Variants in NEDD4 observed in about 807,000 individuals in gnomAD.
NEDD4 encodes E3 ubiquitin-protein ligase NEDD4.
Under a neutral mutation model 144.9 loss-of-function variants are expected in NEDD4, and 99 were observed. The observed-to-expected ratio is 0.68, with a 90% CI of 0.58 to 0.81. NEDD4 has a LOEUF of 0.81. Ranked by LOEUF, NEDD4 falls within the 30% of genes least tolerant of loss-of-function variation. The pLI, the probability that NEDD4 is intolerant of heterozygous loss-of-function variation, is 0.00. For synonymous variants in NEDD4, 318 were observed against 350.6 expected (o/e 0.91, Z 1.04); for missense variants, 985 against 1,065.9 (o/e 0.92, Z 1.06).
intron 5 of NEDD4, among the ~76,000 whole-genome samples, chr15:55,888,039 G>C (rs1429386861): frequency 6.6e-6 from 1 of 152,018 alleles, no homozygotes; most frequent in African/African-American, 2.4e-5. Flanking sequence ...ATACTGAATA[G>C]GGAAAAACTA....
At chr15:55,926,170 GT>G (rs1370768930) in intron 4 of NEDD4, among the ~76,000 whole-genome samples, 1 of 151,948 alleles carries the variant, frequency 6.6e-6, no homozygotes, top group Non-Finnish European at 1.5e-5. Context: ...TCTATATATT[GT>G]TTTTTTGTGA....
intron 2 of NEDD4, among the ~76,000 whole-genome samples, chr15:55,963,012 T>C (rs1439126901): frequency 6.6e-6 from 1 of 152,142 alleles, no homozygotes; most frequent in African/African-American, 2.4e-5. Context: ...CTCAAACTCC[T>C]GTCCTCAGGT....
intron 2 of NEDD4, among the ~76,000 whole-genome samples, chr15:55,960,793 C>G (rs1727226911): frequency 6.6e-6 from 1 of 152,146 alleles, no homozygotes; most frequent in Non-Finnish European, 1.5e-5. Flanking sequence ...TGAGGGAAAC[C>G]TGCTTGGAAA....
chr15:55,972,914 T>C (rs533434645), intron 1 of NEDD4, among the ~76,000 whole-genome samples: 1 of 152,274 alleles, frequency 6.6e-6, no homozygotes, highest in African/African-American at 2.4e-5. Context: ...GATAAAGGCA[T>C]CATTTCAACA....
chr15:55,924,780 C>T (rs953642477), intron 4 of NEDD4, 81 bp from the exon 5 acceptor site: 2 of 1,429,902 alleles, frequency 1.4e-6, no homozygotes, highest in Non-Finnish European at 1.9e-6. Context: ...AAAGATGCTG[C>T]CATTTGGTCG....
chr15:55,985,076 T>C lies in NEDD4; in HGVS notation c.45+8435A>G, dbSNP rs114086893. On this transcript the variant is annotated intron_variant, in intron 1 of 28. Transcript: ENST00000435532. ...GTTTAATTATGCAAGATTCACCAAG[T>C]AAGTGACAGGGCCAGAATTCCAACA... 2.5e-3 allele frequency among the ~76,000 whole-genome samples: 376 copies of C among 152,346 alleles called. 3 individuals carry two copies. The highest frequency in any genetic ancestry group is 8.7e-3 in the African/African-American group (361 of 41,586).
intron 4 of NEDD4, among the ~76,000 whole-genome samples, chr15:55,950,261 T>C (rs1169894492): frequency 6.6e-6 from 1 of 152,186 alleles, no homozygotes. Flanking sequence ...TCATACTACA[T>C]AGAGTGGGGA....
rs1270920710 is a variant in NEDD4, at chr15:55,840,020, AT to A, written c.2031+426del. On this transcript the variant is annotated intron_variant, in intron 21 of 28. Transcript: ENST00000435532. ...AAAAAATATATATATATATATATAT[AT>A]ATATATATATATATATATATAACAT... is the stretch of plus-strand genomic sequence containing the variant. Among the ~76,000 whole-genome samples, 226 of 58,786 alleles carry A rather than the reference AT, an allele frequency of 3.8e-3. 6 individuals are homozygous for A. The highest frequency in any genetic ancestry group is 8.9e-3 in the Middle Eastern group (1 of 112). 38.6% of individuals were successfully genotyped at this position (58,786 alleles called of 152,430 possible).
intron 5 of NEDD4, among the ~76,000 whole-genome samples, chr15:55,882,628 T>A (rs1055193091): frequency 5.9e-5 from 9 of 152,126 alleles, no homozygotes; most frequent in African/African-American, 2.2e-4. Context: ...TAAGTCCTAG[T>A]TCGTACTGGG....
At position 55,975,430 on chromosome 15, in the gene NEDD4, T is replaced by C. The variant is rs562182972; in HGVS notation, c.46-8884A>G. Among the ~76,000 whole-genome samples the C allele has an allele frequency of 4.6e-4, 70 of 152,324 alleles. 1 individual carries two copies. Among genetic ancestry groups the C allele is most frequent in the African/African-American group, 1.6e-3 (68 of 41,580 alleles). ...CAATACACAAAAAATCAGTAGCATT[T>C]ATTTTAATTTAAGAAACAAGGTATT... On this transcript the variant is annotated intron_variant, in intron 1 of 28. Transcript: ENST00000435532.
intron 1 of NEDD4, among the ~76,000 whole-genome samples, chr15:55,972,769 C>T (rs2037632788): frequency 6.6e-6 from 1 of 152,078 alleles, no homozygotes; most frequent in Admixed American, 6.5e-5. Context: ...TAAAGACACA[C>T]ATAGACTGAA....
At chr15:55,893,513 G>C (rs1024339523) in intron 5 of NEDD4, among the ~76,000 whole-genome samples, 1 of 151,548 alleles carries the variant, frequency 6.6e-6, no homozygotes, top group African/African-American at 2.4e-5. Flanking sequence ...TTAAAAACTT[G>C]AATTGAAATT....
chr15:55,950,386 T>G (rs2037216404), intron 4 of NEDD4, among the ~76,000 whole-genome samples: 2 of 152,176 alleles, frequency 1.3e-5, no homozygotes, highest in South Asian at 4.1e-4. Context: ...CAAATTCACT[T>G]TATTAAAATT....
At chr15:55,903,891 G>A (rs1486701942) in intron 5 of NEDD4, among the ~76,000 whole-genome samples, 1 of 149,232 alleles carries the variant, frequency 6.7e-6, no homozygotes, top group African/African-American at 2.5e-5. Context: ...GGGCACGGTG[G>A]CTCATGCCTG....
At chr15:55,978,885 A>G (rs1211853834) in intron 1 of NEDD4, among the ~76,000 whole-genome samples, 1 of 150,980 alleles carries the variant, frequency 6.6e-6, no homozygotes, top group East Asian at 1.9e-4. Flanking sequence ...CAATTCATGA[A>G]GACATCTACT....
intron 5 of NEDD4, among the ~76,000 whole-genome samples, chr15:55,907,520 G>A (rs1483525441): frequency 6.6e-6 from 1 of 152,090 alleles, no homozygotes; most frequent in African/African-American, 2.4e-5. Context: ...TTCACATCCA[G>A]GAAGAATATT....
chr15:55,911,615 T>C (rs59733635), intron 5 of NEDD4, among the ~76,000 whole-genome samples: 21,558 of 151,674 alleles, frequency 0.14, 1,662 homozygotes, highest in East Asian at 0.35. Context: ...CTGCAAGCTC[T>C]GCCTCCCGGG....
rs775238194 is a variant in NEDD4, at chr15:55,862,929, T to C, written c.658A>G (p.Lys220Glu). Reference sequence around the variant, plus strand: ...AGCACATACTGAGGGGTTGGTCTTTTCCACTGTGTTCTTCTAGATTCATGG... The same window carrying C: ...AGCACATACTGAGGGGTTGGTCTTTCCCACTGTGTTCTTCTAGATTCATGG... ...VNHESRRTQW[K>E]RPTPQDNLTD... is the part of the protein sequence containing the mutation. The change falls in exon 9 of 29, where the codon AAA becomes GAA. Residue 220 changes from lysine to glutamate, a missense_variant. Transcript: ENST00000435532. 18 of 1,605,648 alleles carry C rather than the reference T, an allele frequency of 1.1e-5. No individual in the cohort carries two copies. The highest frequency in any genetic ancestry group is 3.3e-5 in the South Asian group (3 of 89,704).
intron 5 of NEDD4, among the ~76,000 whole-genome samples, chr15:55,885,888 C>T (rs1179656777): frequency 1.3e-5 from 2 of 151,252 alleles, no homozygotes; most frequent in Non-Finnish European, 2.9e-5. Context: ...ACGCTCCAAT[C>T]AAAAGACATA....
Sources: gnomAD v4.1 joint callset for allele counts (sites outside exome capture counted in the v4.1 genomes callset) on GRCh38, gnomAD v4.1.1 for gene constraint, MANE v1.5 for transcripts, NCBI Gene and HGNC (gene_info 2026-07-23, HGNC 2026-07-21) for gene names.